The following VRTN variants were observed in gnomAD, a reference collection of about 807,000 sequenced individuals.
The protein encoded by VRTN is vertnin.
Under a neutral mutation model 18.2 loss-of-function variants are expected in VRTN, and 5 were observed. The ratio of observed to expected loss-of-function variants is 0.27; its 90% CI spans 0.14 to 0.58. The LOEUF is 0.58. Among genes scored for constraint, VRTN ranks in the 20% least tolerant of loss-of-function variants. The probability of loss-of-function intolerance (pLI) is 0.91; values close to 1 mark genes in which losing one functional copy is unlikely to be tolerated. For missense variants in VRTN, 741 were observed against 939.4 expected, an observed-to-expected ratio of 0.79 and a Z score of 2.76; for synonymous variants, 381 against 393.7, an observed-to-expected ratio of 0.97 and a Z score of 0.38.
intron 1 of VRTN, among the ~76,000 whole-genome samples, chr14:74,313,605 C>G (rs767114966): frequency 9.2e-5 from 14 of 152,160 alleles, no homozygotes; most frequent in Non-Finnish European, 1.8e-4. Flanking sequence ...GCTGTCACGT[C>G]CTCTAGATCT....
chr14:74,328,198 G>A (rs2085499653), intron 1 of VRTN, among the ~76,000 whole-genome samples: 1 of 152,128 alleles, frequency 6.6e-6, no homozygotes, highest in Non-Finnish European at 1.5e-5. Flanking sequence ...GCAGGGTGAG[G>A]ACGGAAGACC....
chr14:74,312,884 A>G (rs921196241), intron 1 of VRTN, among the ~76,000 whole-genome samples: 2 of 151,360 alleles, frequency 1.3e-5, no homozygotes, highest in African/African-American at 4.9e-5. Context: ...CTGGGATTAC[A>G]GGCTCACTCC....
At chr14:74,351,273 T>C (rs927808459) in intron 1 of VRTN, among the ~76,000 whole-genome samples, 1 of 152,210 alleles carries the variant, frequency 6.6e-6, no homozygotes, top group African/African-American at 2.4e-5. Context: ...TAAGGACTGA[T>C]ATGGATTATC....
chr14:74,323,539 G>T (rs189969210), intron 1 of VRTN, among the ~76,000 whole-genome samples: 2 of 151,074 alleles, frequency 1.3e-5, no homozygotes, highest in Non-Finnish European at 3.0e-5. Context: ...AGCCAAGGTC[G>T]CCCCACTGCA....
chr14:74,308,304 C>T (rs955381430), intron 1 of VRTN, among the ~76,000 whole-genome samples: 2 of 152,086 alleles, frequency 1.3e-5, no homozygotes, highest in Non-Finnish European at 2.9e-5. Flanking sequence ...TGCAATTGAT[C>T]ATATGTCATT....
chr14:74,322,237 C>G (rs1688051501), intron 1 of VRTN, among the ~76,000 whole-genome samples: 1 of 151,920 alleles, frequency 6.6e-6, no homozygotes, highest in Non-Finnish European at 1.5e-5. Flanking sequence ...AACCTCTTGC[C>G]TCCTGGAGCT....
chr14:74,341,187 T>C (rs1567043284), intron 2 of VRTN, among the ~76,000 whole-genome samples: 2 of 152,222 alleles, frequency 1.3e-5, no homozygotes, highest in African/African-American at 4.8e-5. Context: ...ATTTCATTAT[T>C]AGACCAGTGC....
rs1221511532 is a variant in VRTN, at chr14:74,359,555, G to A, written c.*663G>A. The A allele has an allele frequency of 6.0e-6, 1 of 167,124 alleles. No homozygotes were observed. The highest frequency in any genetic ancestry group is 1.5e-5 in the Non-Finnish European group (1 of 68,190). The allele number at this position is 167,124 out of a possible 1,614,324, so 10.4% of individuals were successfully genotyped here. ...AAGAAAGAAAATCAAATGTAGAGCT[G>A]ATCAGCAGCTTGTGCCTGGCATCCC... On this transcript the variant is annotated 3_prime_UTR_variant, in exon 2 of 2. Transcript: ENST00000256362.
intron 2 of VRTN, among the ~76,000 whole-genome samples, chr14:74,339,028 T>G (rs1261806335): frequency 6.6e-6 from 1 of 151,452 alleles, no homozygotes; most frequent in Non-Finnish European, 1.5e-5. Context: ...CCAAGCCATT[T>G]TTTTCTTTTC....
chr14:74,322,589 CTGA>C (rs2085463257), intron 1 of VRTN, among the ~76,000 whole-genome samples: 1 of 152,192 alleles, frequency 6.6e-6, no homozygotes, highest in East Asian at 1.9e-4. Context: ...AAATTTGCAA[CTGA>C]CTGCTCCCAC....
At chr14:74,338,980 C>G (rs1191346236) in intron 2 of VRTN, among the ~76,000 whole-genome samples, 1 of 152,258 alleles carries the variant, frequency 6.6e-6, no homozygotes, top group East Asian at 1.9e-4. Flanking sequence ...CTGACTTGGA[C>G]TCCCAAAGAG....
At chr14:74,348,172 G>C (rs2085655897), upstream of VRTN, among the ~76,000 whole-genome samples, 1 of 152,148 alleles carries the variant, frequency 6.6e-6, no homozygotes. Flanking sequence ...CCTGGCCACA[G>C]ACTTTCTTCC....
chr14:74,304,260 G>A (rs925880875), intron 1 of VRTN, among the ~76,000 whole-genome samples: 1 of 144,446 alleles, frequency 6.9e-6, no homozygotes, highest in Non-Finnish European at 1.5e-5. Context: ...GGGTTCAAGC[G>A]ATTCTCCTGC....
intron 1 of VRTN, among the ~76,000 whole-genome samples, chr14:74,323,194 C>T (rs1453741227): frequency 6.6e-6 from 1 of 152,086 alleles, no homozygotes; most frequent in East Asian, 1.9e-4. Flanking sequence ...GCTTCTCCAC[C>T]TACAAGCTGC....
At chr14:74,336,371 C>T (rs889319340) in intron 1 of VRTN, among the ~76,000 whole-genome samples, 2 of 152,052 alleles carry the variant, frequency 1.3e-5, no homozygotes, top group Non-Finnish European at 2.9e-5. Flanking sequence ...TGCACCATTG[C>T]ACTCCAGCCT....
At chr14:74,353,882 C>T in intron 1 of VRTN, among the ~76,000 whole-genome samples, 1 of 151,984 alleles carries the variant, frequency 6.6e-6, no homozygotes, top group East Asian at 1.9e-4. Flanking sequence ...GCCAGCGTGC[C>T]CGGCTAATTT....
chr14:74,347,601 G>C (rs983917774), upstream of VRTN, among the ~76,000 whole-genome samples: 3 of 152,232 alleles, frequency 2.0e-5, no homozygotes, highest in African/African-American at 7.2e-5. Context: ...GCACTCCAAA[G>C]GGTTAAAGCC....
At position 74,357,419 on chromosome 14, in the gene VRTN, C is replaced by G. The variant is rs1237404022; in HGVS notation, c.636C>G (p.Asp212Glu). 1 of 1,612,770 alleles carries G rather than the reference C, an allele frequency of 6.2e-7. No individual in the cohort carries two copies. Among genetic ancestry groups the G allele is most frequent in the African/African-American group, 1.3e-5 (1 of 74,932 alleles). The change falls in exon 2 of 2, where the codon GAC becomes GAG. Residue 212 changes from aspartate to glutamate, a missense_variant. This residue lies in a region of VRTN where 186 missense variants were observed against 288.3 expected (regional missense o/e 0.65). Coordinates refer to ENST00000256362, the MANE Select transcript of VRTN (RefSeq NM_018228.3). This position sits in a 1 kb window ranked among gnomAD's most constrained non-coding sequence, Gnocchi z 7.8. ...GTGTCATCCGGCCCCGCCGCTGCGA[C>G]CACGTGCCCTCCACGCTGCACATCA... The part of the protein sequence containing the change: ...FNRVIRPRRC[D>E]HVPSTLHIMW...
In VRTN at chr14:74,304,554, T is replaced by A. The variant is rs141111319; in HGVS notation, c.-164+1378T>A. Among the ~76,000 whole-genome samples, 1,240 of 152,324 alleles carry A rather than the reference T, an allele frequency of 8.1e-3. 10 individuals carry two copies. Among genetic ancestry groups the A allele is most frequent in the African/African-American group, 0.028 (1,178 of 41,572 alleles). On this transcript the variant is annotated intron_variant, in intron 1 of 2. Transcript: ENST00000557177. The stretch of plus-strand genomic sequence containing the variant: ...TTTGGGGCCTGATCATTCTTTGCTG[T>A]GTAGGCTTTCCTATGCAATGTAGGA...
Sources: allele counts gnomAD v4.1 joint callset (sites outside exome capture counted in the v4.1 genomes callset), GRCh38; gene constraint gnomAD v4.1.1; regional missense constraint gnomAD v4.1.1; non-coding constraint Gnocchi (gnomAD v3.1); transcripts MANE v1.5; gene names NCBI Gene and HGNC (gene_info 2026-07-23, HGNC 2026-07-21).